Variants in ARAP2 observed in about 807,000 individuals in gnomAD.
The protein encoded by ARAP2 is ArfGAP with RhoGAP domain, ankyrin repeat and PH domain 2.
In ARAP2, 148 loss-of-function variants were observed where a neutral mutation model predicts 194.5. The observed-to-expected ratio is 0.76, with a 90% confidence interval of 0.67 to 0.87. The LOEUF is 0.87. Among genes scored for constraint, ARAP2 ranks in the 40% least tolerant of loss-of-function variants. The pLI is 0.00. For missense variants in ARAP2, 2,128 were observed against 1,989.7 expected (o/e 1.07, Z -1.32); for synonymous variants, 695 against 683.5 (o/e 1.02, Z -0.26).
At chr4:36,235,320 C>G (rs145952673) in intron 1 of ARAP2, among the ~76,000 whole-genome samples, 54 of 152,344 alleles carry the variant, frequency 3.5e-4, no homozygotes, top group Non-Finnish European at 6.5e-4. Context: ...CCCTGACTTT[C>G]CCCTTCCATC....
chr4:36,240,827 A>G (rs183142794), intron 1 of ARAP2, among the ~76,000 whole-genome samples: 17 of 152,272 alleles, frequency 1.1e-4, no homozygotes, highest in Admixed American at 9.8e-4. Flanking sequence ...AAAACACAAT[A>G]AAAAAACCTA....
intron 1 of ARAP2, among the ~76,000 whole-genome samples, chr4:36,236,416 T>C (rs1752466413): frequency 6.6e-6 from 1 of 152,124 alleles, no homozygotes; most frequent in African/African-American, 2.4e-5. Context: ...TAACTATATG[T>C]TACAGGATGG....
chr4:36,035,906 A>G (rs1304553429), intron 5 of ARAP2, among the ~76,000 whole-genome samples: 1 of 152,098 alleles, frequency 6.6e-6, no homozygotes, highest in African/African-American at 2.4e-5. Context: ...TTATTTCTCA[A>G]CTGTTATACA....
Position 36,031,666 on chromosome 4 carries a change from C to CTT in ARAP2, n.608-12382_608-12381dup, listed in dbSNP as rs67436021. 6.1e-3 allele frequency among the ~76,000 whole-genome samples: 892 copies of CTT among 146,042 alleles called. 9 individuals are homozygous for CTT. Among genetic ancestry groups the CTT allele is most frequent in the African/African-American group, 0.013 (520 of 39,698 alleles). On this transcript the variant is annotated intron_variant and non_coding_transcript_variant, in intron 5 of 12. Coordinates refer to the ARAP2 transcript ENST00000503225. ...TTGTCTTCATGATAGGATTTAAAAT[C>CTT]TTTTTTTTTTTTTCTTTTTTGAGAT...
chr4:36,020,556 G>C (rs998059597), intron 5 of ARAP2, among the ~76,000 whole-genome samples: 7 of 152,196 alleles, frequency 4.6e-5, no homozygotes, highest in African/African-American at 1.4e-4. Flanking sequence ...GGATGGGAGG[G>C]ATGGAGTGGA....
intron 8 of ARAP2, among the ~76,000 whole-genome samples, chr4:36,013,254 G>T (rs2109313984): frequency 6.6e-6 from 1 of 152,240 alleles, no homozygotes; most frequent in Non-Finnish European, 1.5e-5. Context: ...TTATACGGTG[G>T]CTTCTATAGC....
intron 5 of ARAP2, among the ~76,000 whole-genome samples, chr4:36,036,714 T>C (rs1417256111): frequency 3.9e-5 from 6 of 152,148 alleles, no homozygotes; most frequent in African/African-American, 9.7e-5. Context: ...CTAAAATATC[T>C]ACTCCAAGCA....
At chr4:36,209,487 T>G (rs1746271097) in intron 6 of ARAP2, 1 of 372,748 alleles carries the variant, frequency 2.7e-6, no homozygotes, top group African/African-American at 2.2e-5. Flanking sequence ...TTTTGCTATC[T>G]TTTGAAATGT....
At chr4:36,145,513 C>G (rs573242452) in intron 19 of ARAP2, among the ~76,000 whole-genome samples, 1 of 151,942 alleles carries the variant, frequency 6.6e-6, no homozygotes, top group South Asian at 2.1e-4. Flanking sequence ...ATAATAGACA[C>G]TGAGGACTCC....
At chr4:36,188,087 T>G (rs1740974906) in intron 7 of ARAP2, among the ~76,000 whole-genome samples, 1 of 152,234 alleles carries the variant, frequency 6.6e-6, no homozygotes, top group Admixed American at 6.5e-5. Flanking sequence ...ATCATTTTAA[T>G]TTTTACTCTT....
rs1560692942 is a variant in ARAP2 at position 36,216,717 on chromosome 4, T to C, written c.906-2237A>G. On this transcript the variant is annotated intron_variant, in intron 2 of 32. Coordinates refer to ENST00000303965, the MANE Select transcript of ARAP2 (RefSeq NM_015230.4). ...GTGGTGTATGGATCCAAGAGACTACTACCCAGCTGAAAGAAAAAAAAACTA... is the reference window on the plus strand; with the variant it reads ...GTGGTGTATGGATCCAAGAGACTACCACCCAGCTGAAAGAAAAAAAAACTA... Among the ~76,000 whole-genome samples, 4 of 151,958 alleles carry C rather than the reference T, an allele frequency of 2.6e-5. No individual in the cohort carries two copies. In the East Asian group the frequency reaches 5.8e-4, roughly 22 times the overall value.
chr4:36,013,768 T>C (rs1015827059), intron 8 of ARAP2, among the ~76,000 whole-genome samples: 5 of 152,120 alleles, frequency 3.3e-5, no homozygotes, highest in African/African-American at 1.2e-4. Flanking sequence ...CCAATTCTGA[T>C]AACAGGTAAT....
downstream of ARAP2, chr4:36,065,114 G>C (rs1006617710): frequency 7.9e-6 from 2 of 253,474 alleles, no homozygotes; most frequent in Admixed American, 3.9e-5. Context: ...CTAGCGAGAC[G>C]TGAGCTCCAA....
chr4:36,014,559 TAAAC>T (rs1165524716), intron 8 of ARAP2, among the ~76,000 whole-genome samples: 1 of 152,144 alleles, frequency 6.6e-6, no homozygotes, highest in East Asian at 1.9e-4. Flanking sequence ...TTAAAGCAAA[TAAAC>T]AAATTCAGCA....
intron 20 of ARAP2, among the ~76,000 whole-genome samples, chr4:36,131,088 C>T (rs1725329483): frequency 6.6e-6 from 1 of 151,768 alleles, no homozygotes; most frequent in Non-Finnish European, 1.5e-5. Context: ...TTTTAACCCA[C>T]AGGTCAGGGG....
chr4:36,219,388 C>T (rs906105918), intron 2 of ARAP2, among the ~76,000 whole-genome samples: 3 of 152,126 alleles, frequency 2.0e-5, no homozygotes, highest in African/African-American at 4.8e-5. Context: ...AAACATCTTA[C>T]TGAATAAAGA....
chr4:36,094,648 T>C (rs1714697605), intron 27 of ARAP2, among the ~76,000 whole-genome samples: 1 of 152,134 alleles, frequency 6.6e-6, no homozygotes, highest in Non-Finnish European at 1.5e-5. Flanking sequence ...AGAAAGAATA[T>C]GTGAAGGCAT....
chr4:36,021,581 A>G (rs1716952410), intron 5 of ARAP2, among the ~76,000 whole-genome samples: 2 of 152,168 alleles, frequency 1.3e-5, no homozygotes, highest in Non-Finnish European at 2.9e-5. Context: ...CCATGATTGT[A>G]AGCTTCCAGA....
chr4:36,143,954 C>T (rs1029989459), intron 19 of ARAP2, among the ~76,000 whole-genome samples: 6 of 151,742 alleles, frequency 4.0e-5, no homozygotes, highest in Admixed American at 2.6e-4. Context: ...TGAATTTCAT[C>T]TCCTGATTTC....
Sources: gnomAD v4.1 joint callset for allele counts (sites outside exome capture counted in the v4.1 genomes callset) on GRCh38, gnomAD v4.1.1 for gene constraint, MANE v1.5 for transcripts, NCBI Gene and HGNC (gene_info 2026-07-23, HGNC 2026-07-21) for gene names.